TLE1: variants seen among roughly 807,000 people sequenced by gnomAD.
TLE1 encodes TLE family member 1, transcriptional corepressor, also known as transducin-like enhancer protein 1.
In TLE1, 21 loss-of-function variants were observed where a neutral mutation model predicts 89.8. The observed-to-expected ratio is 0.23, with a 90% CI of 0.17 to 0.34. TLE1 has a LOEUF of 0.34. Among genes scored for constraint, TLE1 ranks in the 10% least tolerant of loss-of-function variants. TLE1 has a pLI of 1.00. For synonymous variants in TLE1, 447 were observed against 407.6 expected, an observed-to-expected ratio of 1.10 and a Z score of -1.16; for missense variants, 795 against 1,031.2, an observed-to-expected ratio of 0.77 and a Z score of 3.14.
At chr9:81,624,666 T>C (rs1177873097) in intron 8 of TLE1, among the ~76,000 whole-genome samples, 2 of 152,166 alleles carry the variant, frequency 1.3e-5, no homozygotes, top group South Asian at 2.1e-4. Context: ...GCTGGTAAAA[T>C]GTAAATATCT....
chr9:81,641,423 A>T (rs78989430), intron 6 of TLE1, among the ~76,000 whole-genome samples: 123 of 152,272 alleles, frequency 8.1e-4, no homozygotes, highest in African/African-American at 2.6e-3. Flanking sequence ...CCACTTGAAG[A>T]CAATAACAAA....
chr9:81,590,430 T>C (rs1829319238), intron 16 of TLE1, among the ~76,000 whole-genome samples: 1 of 152,370 alleles, frequency 6.6e-6, no homozygotes, highest in East Asian at 1.9e-4. Flanking sequence ...AGTTGGCTCT[T>C]GTCTGCACCA....
Position 81,617,517 on chromosome 9 carries a change from C to T in TLE1, c.712-818G>A, listed in dbSNP as rs546512644. Among the ~76,000 whole-genome samples the T allele has an allele frequency of 4.6e-5, 7 of 151,904 alleles. No individual in the cohort carries two copies. In the South Asian group the frequency reaches 1.2e-3, roughly 27 times the overall value. The stretch of plus-strand genomic sequence containing the variant: ...AGGAGTTCAAGACCAGCCTGGCCAA[C>T]GTGGTGAAACCCTGTCTCTACTAAA... On this transcript the variant is annotated intron_variant, in intron 9 of 19. Coordinates refer to ENST00000376499, the MANE Select transcript of TLE1 (RefSeq NM_005077.5).
Position 81,611,967 on chromosome 9 carries a change from G to A in TLE1, c.1064-8C>T, listed in dbSNP as rs765747123. ...GTGTCCTCAAGCCAGCTGCTGAAAG[G>A]AAACACAAGCCGCACATCATTCAAC... is the stretch of plus-strand genomic sequence containing the variant. On this transcript the variant is annotated splice_polypyrimidine_tract_variant and splice_region_variant and intron_variant, in intron 12 of 19. Coordinates refer to ENST00000376499, the MANE Select transcript of TLE1 (RefSeq NM_005077.5). 5.6e-6 allele frequency: 8 copies of A among 1,437,598 alleles called. No homozygotes were observed. The East Asian group carries it at 1.6e-4, about 30-fold the overall frequency. 89.1% of individuals were successfully genotyped at this position (1,437,598 alleles called of 1,614,324 possible). A position where few individuals can be genotyped will look rare whatever the true frequency, so the allele number is the denominator to read the frequency against.
intron 11 of TLE1, 98 bp downstream of exon 11, chr9:81,615,884 A>G (rs1824441719): frequency 6.8e-7 from 1 of 1,472,738 alleles, no homozygotes; most frequent in African/African-American, 1.4e-5. Flanking sequence ...TACAACCCTC[A>G]AGCAGCAAAA....
chr9:81,686,813 A>G (rs1834345144), intron 2 of TLE1, among the ~76,000 whole-genome samples: 1 of 152,180 alleles, frequency 6.6e-6, no homozygotes, highest in Admixed American at 6.5e-5. Flanking sequence ...ATGACGCCAA[A>G]GCAGGTGAGC....
chr9:81,642,818 G>A (rs79928362), intron 6 of TLE1, among the ~76,000 whole-genome samples: 37 of 152,254 alleles, frequency 2.4e-4, no homozygotes, highest in African/African-American at 6.7e-4. Context: ...CCAAGATACC[G>A]AACAACCCAA....
At chr9:81,613,996 C>T (rs972257655) in intron 11 of TLE1, among the ~76,000 whole-genome samples, 1 of 151,664 alleles carries the variant, frequency 6.6e-6, no homozygotes, top group African/African-American at 2.4e-5. Context: ...CAAGCTCCGC[C>T]TCCCGGGTTC....
chr9:81,592,314 G>A lies in TLE1; in HGVS notation c.1581+711C>T, dbSNP rs564363035. ...CGGAGCCTGCAGTGAGCCGAGATCCGGCCACTGCACTCCAGCCTGGGCGAC... is the reference window on the plus strand; with the variant it reads ...CGGAGCCTGCAGTGAGCCGAGATCCAGCCACTGCACTCCAGCCTGGGCGAC... On this transcript the variant is annotated intron_variant, in intron 15 of 19. Coordinates refer to ENST00000376499, the MANE Select transcript of TLE1 (RefSeq NM_005077.5). 1.3e-4 allele frequency among the ~76,000 whole-genome samples: 20 copies of A among 152,250 alleles called. No homozygotes were observed. In the East Asian group the frequency reaches 2.9e-3, roughly 22 times the overall value.
chr9:81,650,744 A>G (rs1829436356), intron 6 of TLE1, among the ~76,000 whole-genome samples: 1 of 152,164 alleles, frequency 6.6e-6, no homozygotes, highest in African/African-American at 2.4e-5. Flanking sequence ...TCTGGGGGGA[A>G]GAGGAGGGAG....
chr9:81,613,396 G>C lies in TLE1; in HGVS notation c.1044C>G (p.Asp348Glu). The C allele has an allele frequency of 6.2e-7, 1 of 1,614,084 alleles. No homozygotes were observed. Among genetic ancestry groups the C allele is most frequent in the South Asian group, 1.1e-5 (1 of 91,080 alleles). ...CTGTACCCGCTTGGTTAACGAGGGG[G>C]TCTATGGCTGGAGGCTTGCCGAGAC... ...RPGLGKPPAIDPLVNQAAAGL... is the reference protein window; with the variant it reads ...RPGLGKPPAIEPLVNQAAAGL... Residue 348 changes from aspartate (D) to glutamate (E), a missense_variant, in exon 12 of 20, where the codon GAC becomes GAG. Physicochemically the swap from Asp to Glu is conservative, Grantham distance 45 (BLOSUM62 2). Coordinates refer to ENST00000376499, the MANE Select transcript of TLE1 (RefSeq NM_005077.5).
At chr9:81,670,697 G>A (rs1325672924) in intron 4 of TLE1, among the ~76,000 whole-genome samples, 1 of 141,216 alleles carries the variant, frequency 7.1e-6, no homozygotes, top group Non-Finnish European at 1.5e-5. Flanking sequence ...CACTTTGAGA[G>A]TTCCAGAAGC....
intron 6 of TLE1, 163 bp downstream of exon 6, chr9:81,652,051 T>G (rs1049147534): frequency 3.2e-6 from 2 of 626,344 alleles, no homozygotes; most frequent in Non-Finnish European, 5.4e-6. Context: ...CCTTAGCACA[T>G]CCCAAGTCTC....
rs1421875848 is a variant in TLE1, at chr9:81,688,235, G to A, written c.6C>T (p.Phe2=). 6.3e-7 allele frequency: 1 copy of A among 1,592,586 alleles called. No homozygotes were observed. The highest frequency in any genetic ancestry group is 1.4e-5 in the African/African-American group (1 of 72,826). The stretch of plus-strand genomic sequence containing the variant: ...GCCTCACCGGGTGCCGGCTCTGCGG[G>A]AACATCGCTCTGGCGGCGGCCGGGG... The part of the protein sequence containing the change: M[F]PQSRHPTPHQ... Residue 2 remains phenylalanine (F), a synonymous_variant, in exon 1 of 20, where the codon TTC becomes TTT. Coordinates refer to ENST00000376499, the MANE Select transcript of TLE1 (RefSeq NM_005077.5).
At chr9:81,671,288 C>A (rs781288291) in intron 4 of TLE1, among the ~76,000 whole-genome samples, 2 of 151,976 alleles carry the variant, frequency 1.3e-5, no homozygotes, top group Non-Finnish European at 2.9e-5. Flanking sequence ...CTGAAGCGGG[C>A]GGATTGCTTG....
Position 81,634,152 on chromosome 9 carries a change from C to A in TLE1, c.522G>T (p.Gln174His). Reference protein sequence around the residue: ...LLALSSALSGQSHLAIKDDKK... With the variant: ...LLALSSALSGHSHLAIKDDKK... ...TGTCATCTTTTATTGCCAAGTGAGA[C>A]TGCCCACTCAGAGCACTAGACAGCG... The change falls in exon 7 of 20, where the codon CAG (glutamine) becomes CAT (histidine). Residue 174 changes from glutamine to histidine, a missense_variant. By Grantham distance (24) the Gln-to-His change is conservative (BLOSUM62 0). Around this residue, in one of 4 missense-constraint regions of TLE1, gnomAD observed 468 missense variants for 509.1 expected, o/e 0.92. Coordinates refer to ENST00000376499, the MANE Select transcript of TLE1 (RefSeq NM_005077.5). The A allele has an allele frequency of 1.2e-6, 2 of 1,606,166 alleles. No individual in the cohort carries two copies. Among genetic ancestry groups the A allele is most frequent in the Non-Finnish European group, 1.7e-6 (2 of 1,175,616 alleles).
intron 6 of TLE1, 124 bp from the exon 7 acceptor site, chr9:81,634,425 C>T: frequency 1.3e-6 from 1 of 744,894 alleles, no homozygotes; most frequent in Non-Finnish European, 2.0e-6. Context: ...GGAAACAGAA[C>T]AGGAGGTTCA....
intron 8 of TLE1, among the ~76,000 whole-genome samples, chr9:81,632,475 CTTTTT>C (rs11376391): frequency 6.3e-5 from 5 of 79,882 alleles, no homozygotes; most frequent in East Asian, 3.1e-4. Context: ...TTCAGTATCC[CTTTTT>C]TTTTTTTTTT....
In TLE1 at chr9:81,685,678, G is replaced by A; in HGVS notation, c.232C>T (p.Gln78Ter). The change falls in exon 4 of 20, where the codon CAG becomes TAG. Residue 78 changes from glutamine (Q) to a stop codon, truncating the protein, a stop_gained and splice_region_variant. Transcript: ENST00000376499. LOFTEE classifies it high-confidence loss of function. ...SYGLNIEMHK[Q>*]TEIAKRLNTI... ...CTTGAAGTTCAACTAAAGCTTACCT[G>A]TTTGTGCATTTCAATGTTTAATCCA... The A allele has an allele frequency of 6.2e-7, 1 of 1,613,228 alleles. No homozygotes were observed. The highest frequency in any genetic ancestry group is 1.7e-5 in the Admixed American group (1 of 59,892).
Sources: allele counts gnomAD v4.1 joint callset (sites outside exome capture counted in the v4.1 genomes callset), GRCh38; gene constraint gnomAD v4.1.1; regional missense constraint gnomAD v4.1.1; transcripts MANE v1.5; gene names NCBI Gene and HGNC (gene_info 2026-07-23, HGNC 2026-07-21).